Variants in CNTNAP5 observed in about 807,000 individuals in gnomAD.
CNTNAP5 encodes the protein contactin-associated protein-like 5.
A neutral mutation model predicts 150.2 loss-of-function variants in CNTNAP5; 72 were observed. The ratio of observed to expected loss-of-function variants is 0.48; its 90% CI spans 0.40 to 0.58. The LOEUF is 0.58. Ranked by LOEUF, CNTNAP5 falls within the 20% of genes least tolerant of loss-of-function variation. CNTNAP5 has a pLI of 0.00. For missense variants in CNTNAP5, 1,636 were observed against 1,626.2 expected (o/e 1.01, Z -0.10); for synonymous variants, 672 against 619.8 (o/e 1.08, Z -1.25).
chr2:124,875,843 T>C (rs1398442682), intron 21 of CNTNAP5, among the ~76,000 whole-genome samples: 1 of 151,922 alleles, frequency 6.6e-6, no homozygotes, highest in Admixed American at 6.6e-5. Context: ...GTGTGACTCA[T>C]TATCAATTAG....
intron 10 of CNTNAP5, among the ~76,000 whole-genome samples, chr2:124,555,636 C>T (rs1695735739): frequency 6.6e-6 from 1 of 152,116 alleles, no homozygotes; most frequent in South Asian, 2.1e-4. Flanking sequence ...GGTCTTTCTA[C>T]TAAAAGCAGG....
Position 124,674,598 on chromosome 2 carries a change from C to T in CNTNAP5, c.2077+26640C>T, listed in dbSNP as rs577464224. On this transcript the variant is annotated intron_variant, in intron 13 of 23. Transcript: ENST00000682447. The stretch of plus-strand genomic sequence containing the variant: ...TTCTTTTCATCTCCTCCTACTCCTT[C>T]TTCTTCTTAAATACAGGCATTTACA... 4.2e-5 allele frequency among the ~76,000 whole-genome samples: 6 copies of T among 144,288 alleles called. No individual in the cohort carries two copies. In the East Asian group the frequency reaches 1.2e-3, roughly 29 times the overall value. The allele number at this position is 144,288 out of a possible 152,430, so 94.7% of individuals were successfully genotyped here. A position where few individuals can be genotyped will look rare whatever the true frequency, so the allele number is the denominator to read the frequency against.
chr2:124,025,958 A>G (rs1215181835), intron 1 of CNTNAP5, among the ~76,000 whole-genome samples: 1 of 152,148 alleles, frequency 6.6e-6, no homozygotes, highest in Non-Finnish European at 1.5e-5. Context: ...CGCAAAGTTC[A>G]AGGGATAAGG....
chr2:124,518,237 C>T (rs1694775238), intron 8 of CNTNAP5, among the ~76,000 whole-genome samples: 1 of 152,078 alleles, frequency 6.6e-6, no homozygotes, highest in African/African-American at 2.4e-5. Flanking sequence ...CTGTGGAGAT[C>T]TCATTATCAA....
intron 3 of CNTNAP5, among the ~76,000 whole-genome samples, chr2:124,337,200 C>T (rs557629997): frequency 4.6e-5 from 7 of 152,208 alleles, no homozygotes; most frequent in African/African-American, 1.4e-4. Context: ...ATATCCTTCG[C>T]CCACTTGTTG....
intron 13 of CNTNAP5, among the ~76,000 whole-genome samples, chr2:124,665,234 T>A (rs925935674): frequency 1.3e-5 from 2 of 152,236 alleles, no homozygotes; most frequent in African/African-American, 4.8e-5. Flanking sequence ...CCTTAATGCA[T>A]GGCACACCAA....
intron 13 of CNTNAP5, among the ~76,000 whole-genome samples, chr2:124,740,496 A>T (rs2105137221): frequency 6.6e-6 from 1 of 152,292 alleles, no homozygotes; most frequent in South Asian, 2.1e-4. Flanking sequence ...CACAGACTCC[A>T]GGTGAACCCA....
chr2:124,901,414 G>A (rs185073218), intron 21 of CNTNAP5, among the ~76,000 whole-genome samples: 3 of 147,662 alleles, frequency 2.0e-5, no homozygotes, highest in Admixed American at 2.0e-4. Context: ...GAAGGAGATA[G>A]AAGAGAATTA....
chr2:124,378,256 T>C (rs1174560841), intron 3 of CNTNAP5, among the ~76,000 whole-genome samples: 1 of 151,948 alleles, frequency 6.6e-6, no homozygotes, highest in African/African-American at 2.4e-5. Context: ...CAACCGTATG[T>C]AATTTACACA....
In CNTNAP5 at chr2:124,894,807, CT is replaced by C. The variant is rs543444186; in HGVS notation, c.3437-8073del. 2.0e-3 allele frequency among the ~76,000 whole-genome samples: 300 copies of C among 151,536 alleles called. 17 individuals carry two copies. Among genetic ancestry groups the C allele is most frequent in the African/African-American group, 7.0e-3 (286 of 40,918 alleles). Reference sequence around the variant, plus strand: ...GGATCAAGCAATCCTCCTGCCTTGGCTTCCCAAAGTACTGGGATTATAAGAG... The same window carrying C: ...GGATCAAGCAATCCTCCTGCCTTGGCTCCCAAAGTACTGGGATTATAAGAG... On this transcript the variant is annotated intron_variant, in intron 21 of 23. Transcript: ENST00000682447.
intron 23 of CNTNAP5, 64 bp from the exon 24 acceptor site, chr2:124,914,028 C>G (rs1678709760): frequency 1.7e-6 from 2 of 1,194,886 alleles, no homozygotes; most frequent in Non-Finnish European, 1.2e-6. Context: ...TGGAGGGAAT[C>G]CACTCTCCTG....
intron 3 of CNTNAP5, among the ~76,000 whole-genome samples, chr2:124,356,212 C>A (rs942819144): frequency 3.3e-5 from 5 of 151,740 alleles, no homozygotes; most frequent in Admixed American, 2.6e-4. Context: ...AAGATAATAT[C>A]CTGCTTCTAC....
At chr2:124,065,024 G>T (rs530210754) in intron 1 of CNTNAP5, among the ~76,000 whole-genome samples, 1 of 152,162 alleles carries the variant, frequency 6.6e-6, no homozygotes, top group Middle Eastern at 3.4e-3. Context: ...TATTTTTGTA[G>T]GTCCTCGTTT....
intron 8 of CNTNAP5, among the ~76,000 whole-genome samples, chr2:124,518,312 C>G (rs1694777292): frequency 1.3e-5 from 2 of 152,058 alleles, no homozygotes; most frequent in African/African-American, 4.8e-5. Context: ...AAAGATATAT[C>G]AAAGTAATAA....
chr2:124,491,659 C>G (rs1267505153), intron 7 of CNTNAP5, among the ~76,000 whole-genome samples: 2 of 152,072 alleles, frequency 1.3e-5, no homozygotes, highest in Non-Finnish European at 2.9e-5. Context: ...TTCTAGGGAA[C>G]CTCCATGTTG....
intron 18 of CNTNAP5, among the ~76,000 whole-genome samples, chr2:124,795,850 C>T (rs1681834193): frequency 6.6e-6 from 1 of 151,782 alleles, no homozygotes; most frequent in Admixed American, 6.6e-5. Flanking sequence ...ATGTGTCTTA[C>T]CATCTCAGAA....
intron 11 of CNTNAP5, among the ~76,000 whole-genome samples, chr2:124,565,449 C>A (rs978196434): frequency 6.6e-6 from 1 of 150,664 alleles, no homozygotes; most frequent in African/African-American, 2.4e-5. Flanking sequence ...TCTCGTGTAC[C>A]CCATAAACAT....
intron 13 of CNTNAP5, among the ~76,000 whole-genome samples, chr2:124,660,000 G>T (rs1281002560): frequency 2.0e-5 from 3 of 148,900 alleles, no homozygotes; most frequent in African/African-American, 7.5e-5. Context: ...AGTCACAGAG[G>T]ATGGAAAGAA....
At chr2:124,602,544 A>G (rs535908837) in intron 11 of CNTNAP5, among the ~76,000 whole-genome samples, 2 of 151,998 alleles carry the variant, frequency 1.3e-5, no homozygotes, top group East Asian at 3.9e-4. Flanking sequence ...CCCAGGCTGG[A>G]GTGCAGTGGC....
Sources: gnomAD v4.1 joint callset for allele counts (sites outside exome capture counted in the v4.1 genomes callset) on GRCh38, gnomAD v4.1.1 for gene constraint, MANE v1.5 for transcripts, NCBI Gene and HGNC (gene_info 2026-07-23, HGNC 2026-07-21) for gene names.